SMYD3: variants seen among roughly 807,000 people sequenced by gnomAD.
SMYD3 encodes the protein SET and MYND domain containing 3.
SMYD3 carries 36 observed loss-of-function variants against 57.7 expected under a neutral mutation model. The ratio of observed to expected loss-of-function variants is 0.62; its 90% CI spans 0.48 to 0.82. SMYD3 has a LOEUF of 0.82. Among genes scored for constraint, SMYD3 ranks in the 40% least tolerant of loss-of-function variants. The probability of loss-of-function intolerance (pLI) is 0.00; values close to 1 mark genes in which losing one functional copy is unlikely to be tolerated. For synonymous variants in SMYD3, 211 were observed against 195.0 expected (o/e 1.08, Z -0.68); for missense variants, 515 against 538.8 (o/e 0.96, Z 0.44).
intron 1 of SMYD3, among the ~76,000 whole-genome samples, chr1:246,443,873 A>G (rs2067507369): frequency 6.6e-6 from 1 of 152,202 alleles, no homozygotes; most frequent in Admixed American, 6.5e-5. Context: ...TGTCAAATCA[A>G]TAAATCAAAT....
At chr1:246,476,353 CGCCTCTAT>C (rs1411784410) in intron 1 of SMYD3, among the ~76,000 whole-genome samples, 1 of 152,210 alleles carries the variant, frequency 6.6e-6, no homozygotes, top group Non-Finnish European at 1.5e-5. Flanking sequence ...GTCCAATCCA[CGCCTCTAT>C]GCCTCTCGGG....
In SMYD3 at chr1:245,854,885, G is replaced by A. The variant is rs117656071; in HGVS notation, c.1076+3611C>T. Among the ~76,000 whole-genome samples the A allele has an allele frequency of 6.6e-5, 10 of 152,260 alleles. No homozygotes were observed. In the East Asian group the frequency reaches 1.5e-3, roughly 24 times the overall value. On this transcript the variant is annotated intron_variant, in intron 10 of 11. Coordinates refer to ENST00000490107, the MANE Select transcript of SMYD3 (RefSeq NM_001167740.2). Reference sequence around the variant, plus strand: ...TTTAAAAAAACATTCTGTGTATTATGATGGAACCATTGTTCATGTTTTCTG... The same window carrying A: ...TTTAAAAAAACATTCTGTGTATTATAATGGAACCATTGTTCATGTTTTCTG...
intron 5 of SMYD3, among the ~76,000 whole-genome samples, chr1:246,263,697 T>C (rs2064053306): frequency 2.0e-5 from 3 of 152,236 alleles, no homozygotes; most frequent in Admixed American, 6.5e-5. Flanking sequence ...TGTACAATTC[T>C]ATGTACCTTC....
chr1:246,448,726 A>AAAAAC (rs2067587709), intron 1 of SMYD3, among the ~76,000 whole-genome samples: 1 of 151,236 alleles, frequency 6.6e-6, no homozygotes, highest in African/African-American at 2.4e-5. Context: ...AAAAAAAAAA[A>AAAAAC]AAGGACAAAA....
chr1:246,006,963 C>G (rs1236664752), intron 5 of SMYD3, among the ~76,000 whole-genome samples: 2 of 152,188 alleles, frequency 1.3e-5, no homozygotes, highest in African/African-American at 4.8e-5. Flanking sequence ...CTGGACTGCT[C>G]AATCCTGCTC....
At chr1:246,077,550 A>G (rs1221207998) in intron 5 of SMYD3, among the ~76,000 whole-genome samples, 1 of 151,982 alleles carries the variant, frequency 6.6e-6, no homozygotes, top group African/African-American at 2.4e-5. Flanking sequence ...AAAAAGAGAG[A>G]AGAGGAATCT....
intron 1 of SMYD3, among the ~76,000 whole-genome samples, chr1:246,409,750 T>C (rs2066931058): frequency 6.6e-6 from 1 of 152,260 alleles, no homozygotes; most frequent in Non-Finnish European, 1.5e-5. Flanking sequence ...GCATTGAATC[T>C]GTAAATTACC....
At chr1:245,906,520 G>T (rs2054573060) in intron 8 of SMYD3, among the ~76,000 whole-genome samples, 1 of 152,130 alleles carries the variant, frequency 6.6e-6, no homozygotes, top group African/African-American at 2.4e-5. Context: ...TGGAGAAAAG[G>T]GAACCCTTGT....
intron 5 of SMYD3, among the ~76,000 whole-genome samples, chr1:246,082,102 A>T (rs1028684017): frequency 1.3e-5 from 2 of 152,144 alleles, no homozygotes; most frequent in Non-Finnish European, 2.9e-5. Flanking sequence ...TAACCATGGG[A>T]GACAGGAAGG....
chr1:246,184,504 T>C (rs1294399953), intron 5 of SMYD3, among the ~76,000 whole-genome samples: 1 of 152,218 alleles, frequency 6.6e-6, no homozygotes, highest in Non-Finnish European at 1.5e-5. Context: ...ATGTGTGACT[T>C]CTTGCTTCTA....
chr1:246,084,797 T>C (rs1425195536), intron 5 of SMYD3, among the ~76,000 whole-genome samples: 1 of 152,234 alleles, frequency 6.6e-6, no homozygotes, highest in Non-Finnish European at 1.5e-5. Flanking sequence ...AGAATGTAAA[T>C]TGATTGCATT....
At chr1:245,892,114 G>C (rs2053424583) in intron 8 of SMYD3, among the ~76,000 whole-genome samples, 1 of 152,016 alleles carries the variant, frequency 6.6e-6, no homozygotes, top group African/African-American at 2.4e-5. Context: ...AGAGGCACTA[G>C]GCACAAAAAA....
At chr1:246,257,284 T>C (rs1770006) in intron 5 of SMYD3, among the ~76,000 whole-genome samples, 40,581 of 152,088 alleles carry the variant, frequency 0.27, 6,116 homozygotes, top group East Asian at 0.58. Flanking sequence ...TATTGTGTGG[T>C]TGTCTAAGTC....
intron 1 of SMYD3, among the ~76,000 whole-genome samples, chr1:246,482,437 G>C (rs556193018): frequency 6.6e-6 from 1 of 150,486 alleles, no homozygotes; most frequent in East Asian, 1.9e-4. Context: ...GTGGCACAAA[G>C]TGGTATTACC....
chr1:246,060,464 A>C (rs1202927064), intron 5 of SMYD3, among the ~76,000 whole-genome samples: 4 of 152,206 alleles, frequency 2.6e-5, no homozygotes, highest in Non-Finnish European at 4.4e-5. Flanking sequence ...TATTCCGTTT[A>C]ACGACAAAAA....
At chr1:245,817,521 C>G (rs1270116560) in intron 10 of SMYD3, among the ~76,000 whole-genome samples, 1 of 152,210 alleles carries the variant, frequency 6.6e-6, no homozygotes, top group East Asian at 1.9e-4. Flanking sequence ...CAGTTCCTCA[C>G]CAGCAACGGA....
intron 5 of SMYD3, among the ~76,000 whole-genome samples, chr1:246,033,319 T>C (rs1427908344): frequency 6.6e-6 from 1 of 152,190 alleles, no homozygotes; most frequent in South Asian, 2.1e-4. Context: ...GCATTTTCTA[T>C]TTATACAACT....
chr1:245,797,739 AAGG>A (rs1211492223), intron 10 of SMYD3, among the ~76,000 whole-genome samples: 3 of 151,082 alleles, frequency 2.0e-5, no homozygotes. Context: ...GGCCAACTCT[AAGG>A]AGATTTCAGG....
intron 5 of SMYD3, among the ~76,000 whole-genome samples, chr1:245,980,572 A>G (rs1192630697): frequency 1.3e-5 from 2 of 152,322 alleles, no homozygotes; most frequent in South Asian, 2.1e-4. Context: ...TATCACACAC[A>G]TGACATGTAG....
Sources: allele counts gnomAD v4.1 joint callset (sites outside exome capture counted in the v4.1 genomes callset), GRCh38; gene constraint gnomAD v4.1.1; transcripts MANE v1.5; gene names NCBI Gene and HGNC (gene_info 2026-07-23, HGNC 2026-07-21).